MOGAT2: variants seen among roughly 807,000 people sequenced by gnomAD.
The protein encoded by MOGAT2 is monoacylglycerol O-acyltransferase 2.
MOGAT2 carries 27 observed loss-of-function variants against 31.5 expected under a neutral mutation model. The ratio of observed to expected loss-of-function variants is 0.86; its 90% CI spans 0.63 to 1.18. The LOEUF (loss-of-function observed/expected upper bound fraction) is 1.18. MOGAT2 is among the 50% of genes most tolerant of loss of function. The probability of loss-of-function intolerance (pLI) is 0.00; values close to 1 mark genes in which losing one functional copy is unlikely to be tolerated. For synonymous variants in MOGAT2, 163 were observed against 170.0 expected (o/e 0.96, Z 0.32); for missense variants, 436 against 433.2 (o/e 1.01, Z -0.06).
At chr11:75,719,886 G>A (rs1451164687) in intron 1 of MOGAT2, 106 bp from the exon 2 acceptor site, 3 of 1,147,886 alleles carry the variant, frequency 2.6e-6, no homozygotes, top group Admixed American at 1.9e-5. Flanking sequence ...GGATTGGACA[G>A]GACAGTGCTG....
intron 2 of MOGAT2, among the ~76,000 whole-genome samples, chr11:75,722,703 G>A (rs115187268): frequency 2.6e-5 from 4 of 152,302 alleles, no homozygotes; most frequent in African/African-American, 7.2e-5. Flanking sequence ...AGTTCTCCCG[G>A]GGTGTCTTCA....
At chr11:75,723,990 T>C (rs1266968921) in intron 2 of MOGAT2, among the ~76,000 whole-genome samples, 4 of 152,134 alleles carry the variant, frequency 2.6e-5, no homozygotes, top group African/African-American at 9.7e-5. Context: ...TTTACCCCCC[T>C]TGAACCCTGT....
At chr11:75,726,022 C>T (rs762039255) in intron 2 of MOGAT2, among the ~76,000 whole-genome samples, 1 of 152,218 alleles carries the variant, frequency 6.6e-6, no homozygotes, top group East Asian at 1.9e-4. Context: ...TGGCACAGCC[C>T]GTCCGGTATC....
intron 5 of MOGAT2, 72 bp downstream of exon 5, chr11:75,729,061 G>GGAGATGAGCCA: frequency 2.1e-6 from 3 of 1,443,822 alleles, no homozygotes; most frequent in Non-Finnish European, 2.9e-6. Context: ...AAGGGGACAT[G>GGAGATGAGCCA]GAGATGAGCC....
intron 2 of MOGAT2, among the ~76,000 whole-genome samples, chr11:75,725,882 G>T (rs563591847): frequency 4.7e-4 from 72 of 152,270 alleles, no homozygotes; most frequent in African/African-American, 1.7e-3. Flanking sequence ...TGTGTGATTG[G>T]GCCAGAGACC....
Position 75,727,644 on chromosome 11 carries a change from G to A in MOGAT2, c.475+5G>A. The A allele has an allele frequency of 6.2e-7, 1 of 1,612,530 alleles. No homozygotes were observed. Among genetic ancestry groups the A allele is most frequent in the Non-Finnish European group, 8.5e-7 (1 of 1,179,034 alleles). ...GAGATTACATCATGTCTGCAGGTGAGTCTTTCTACCCCTGAGCAGCTCAGG... is the reference window on the plus strand; with the variant it reads ...GAGATTACATCATGTCTGCAGGTGAATCTTTCTACCCCTGAGCAGCTCAGG... On this transcript the variant is annotated splice_donor_5th_base_variant and intron_variant, in intron 3 of 5. Transcript: ENST00000198801.
rs1463871862 is a variant in MOGAT2, at chr11:75,727,500, C to T, written c.336C>T (p.Val112=). 7 of 1,614,182 alleles carry T rather than the reference C, an allele frequency of 4.3e-6. No individual in the cohort carries two copies. The highest frequency in any genetic ancestry group is 5.1e-6 in the Non-Finnish European group (6 of 1,180,024). ...NYIAGFHPHG[V]LAVGAFANLC... The stretch of plus-strand genomic sequence containing the variant: ...TTGCGGGCTTCCACCCCCATGGAGT[C>T]CTGGCAGTCGGAGCCTTTGCCAACC... Residue 112 remains valine, a synonymous_variant, in exon 3 of 6, where the codon GTC becomes GTT. Transcript: ENST00000198801.
intron 2 of MOGAT2, among the ~76,000 whole-genome samples, chr11:75,726,884 A>G (rs1319728377): frequency 1.3e-5 from 2 of 151,998 alleles, no homozygotes; most frequent in African/African-American, 4.8e-5. Context: ...TTTTTAGTAG[A>G]GATGGAGTTT....
At chr11:75,729,740 CT>C (rs543037592) in intron 5 of MOGAT2, among the ~76,000 whole-genome samples, 3 of 121,400 alleles carry the variant, frequency 2.5e-5, no homozygotes, top group African/African-American at 3.3e-5. Context: ...GGGTTTAATT[CT>C]TTTTTTTTTT....
chr11:75,719,828 TCTC>T (rs1944360648), intron 1 of MOGAT2, 161 bp from the exon 2 acceptor site: 1 of 664,028 alleles, frequency 1.5e-6, no homozygotes, highest in South Asian at 2.0e-5. Flanking sequence ...AGGGACTTTG[TCTC>T]CTCTTTGAAT....
intron 5 of MOGAT2, among the ~76,000 whole-genome samples, chr11:75,730,802 G>A (rs1944469616): frequency 1.3e-5 from 2 of 151,678 alleles, no homozygotes; most frequent in Non-Finnish European, 2.9e-5. Context: ...CCAGCTACTC[G>A]GAAGGCTGAG....
At chr11:75,726,420 G>A (rs78627183) in intron 2 of MOGAT2, among the ~76,000 whole-genome samples, 10,118 of 151,984 alleles carry the variant, frequency 0.067, 1,112 homozygotes, top group African/African-American at 0.23. Flanking sequence ...CCGGACCCCC[G>A]CAGATACCAA....
intron 5 of MOGAT2, among the ~76,000 whole-genome samples, chr11:75,730,765 T>C (rs952463721): frequency 6.6e-6 from 1 of 151,644 alleles, no homozygotes; most frequent in Non-Finnish European, 1.5e-5. Flanking sequence ...AAAAATTAGC[T>C]GGGCATGGTG....
chr11:75,727,744 G>A (rs558560136), intron 3 of MOGAT2, 105 bp downstream of exon 3: 1 of 1,250,838 alleles, frequency 8.0e-7, no homozygotes, highest in Non-Finnish European at 1.1e-6. Flanking sequence ...GGAGAAGGAG[G>A]CTAGGCCCAA....
At chr11:75,727,396 C>G (rs376810411) in intron 2 of MOGAT2, 39 bp from the exon 3 acceptor site, 3 of 1,584,668 alleles carry the variant, frequency 1.9e-6, no homozygotes, top group African/African-American at 1.3e-5. Context: ...GGCTGGTACA[C>G]AGGCCCCGCC....
intron 2 of MOGAT2, among the ~76,000 whole-genome samples, chr11:75,726,643 A>C (rs575697336): frequency 6.6e-6 from 1 of 151,834 alleles, no homozygotes; most frequent in African/African-American, 2.4e-5. Context: ...TTTTCTGAAT[A>C]CATCTGAGGT....
chr11:75,720,350 C>T (rs1025914455), intron 2 of MOGAT2, among the ~76,000 whole-genome samples, 180 bp downstream of exon 2: 27 of 152,072 alleles, frequency 1.8e-4, no homozygotes, highest in African/African-American at 6.3e-4. Flanking sequence ...AGCTTCTCTC[C>T]GATCATGGTT....
rs1443906303 is a variant in MOGAT2 at position 75,728,990 on chromosome 11, G to T, written c.850+1G>T. On this transcript the variant is annotated splice_donor_variant, in intron 5 of 5. Transcript: ENST00000198801. LOFTEE classifies it high-confidence loss of function. Reference sequence around the variant, plus strand: ...TACCGCCGGCCCATCACCACTGTGGGTAAGTCCAGGACCAGGCTGGGAGGG... The same window carrying T: ...TACCGCCGGCCCATCACCACTGTGGTTAAGTCCAGGACCAGGCTGGGAGGG... The T allele has an allele frequency of 6.2e-6, 10 of 1,613,386 alleles. No individual in the cohort carries two copies. Among genetic ancestry groups the T allele is most frequent in the Non-Finnish European group, 8.5e-6 (10 of 1,180,018 alleles).
chr11:75,724,361 G>T (rs1323633963), intron 2 of MOGAT2, among the ~76,000 whole-genome samples: 1 of 152,180 alleles, frequency 6.6e-6, no homozygotes, highest in African/African-American at 2.4e-5. Context: ...GGGTCCAGGG[G>T]ACAGATGGAA....
Sources: gnomAD v4.1 joint callset for allele counts (sites outside exome capture counted in the v4.1 genomes callset) on GRCh38, gnomAD v4.1.1 for gene constraint, MANE v1.5 for transcripts, NCBI Gene and HGNC (gene_info 2026-07-23, HGNC 2026-07-21) for gene names.